Variants in GAP43 observed in about 807,000 individuals in gnomAD.
The protein encoded by GAP43 is neuromodulin.
In GAP43, 6 loss-of-function variants were observed where a neutral mutation model predicts 18.6. The ratio of observed to expected loss-of-function variants is 0.32; its 90% confidence interval spans 0.18 to 0.64. GAP43 has a LOEUF of 0.64. GAP43 is among the 30% of genes least tolerant of loss of function. The pLI, the probability that GAP43 is intolerant of heterozygous loss-of-function variation, is 0.78. For synonymous variants in GAP43, 115 were observed against 111.4 expected (o/e 1.03, Z -0.20); for missense variants, 292 against 295.5 (o/e 0.99, Z 0.09).
chr3:115,680,772 AATG>A (rs766969419), intron 2 of GAP43, among the ~76,000 whole-genome samples: 10 of 152,322 alleles, frequency 6.6e-5, no homozygotes, highest in East Asian at 3.9e-4. Context: ...GAATTTCTAG[AATG>A]ATAATTGTGT....
At chr3:115,675,759 A>AC in intron 1 of GAP43, among the ~76,000 whole-genome samples, 1 of 3,590 alleles carries the variant, frequency 2.8e-4, no homozygotes, top group Non-Finnish European at 7.6e-4. Flanking sequence ...ACTCTATCTC[A>AC]AAAAAAAAAA....
At chr3:115,675,758 CAAAAAAAAAA>C (rs67744380) in intron 1 of GAP43, among the ~76,000 whole-genome samples, 9 of 50,526 alleles carry the variant, frequency 1.8e-4, no homozygotes, top group South Asian at 1.3e-3. Context: ...GACTCTATCT[CAAAAAAAAAA>C]AAAAAAAAAA....
At chr3:115,640,573 C>T (rs1444759384) in intron 1 of GAP43, among the ~76,000 whole-genome samples, 3 of 152,080 alleles carry the variant, frequency 2.0e-5, no homozygotes, top group Non-Finnish European at 4.4e-5. Flanking sequence ...CTGGACTCCT[C>T]AATTGATGTA....
intron 2 of GAP43, among the ~76,000 whole-genome samples, chr3:115,711,131 G>T (rs1273396319): frequency 6.6e-6 from 1 of 151,928 alleles, no homozygotes; most frequent in Non-Finnish European, 1.5e-5. Context: ...CAAAAAATTG[G>T]GTGTTAAAGT....
intron 2 of GAP43, among the ~76,000 whole-genome samples, chr3:115,710,317 T>C (rs910118598): frequency 6.6e-6 from 1 of 152,094 alleles, no homozygotes; most frequent in Non-Finnish European, 1.5e-5. Flanking sequence ...ACTGTGAAAA[T>C]TGAGAAGTTT....
intron 2 of GAP43, among the ~76,000 whole-genome samples, chr3:115,699,422 C>G (rs1047426216): frequency 6.6e-6 from 1 of 152,178 alleles, no homozygotes; most frequent in East Asian, 1.9e-4. Context: ...TACTACTCAG[C>G]CCATCAGCCA....
intron 1 of GAP43, among the ~76,000 whole-genome samples, chr3:115,657,235 C>T (rs559852024): frequency 3.9e-5 from 6 of 152,182 alleles, no homozygotes; most frequent in South Asian, 2.1e-4. Context: ...TGTGAGCAAG[C>T]GATGAGCTAA....
At chr3:115,692,286 A>G (rs1709125437) in intron 2 of GAP43, among the ~76,000 whole-genome samples, 1 of 152,228 alleles carries the variant, frequency 6.6e-6, no homozygotes, top group South Asian at 2.1e-4. Context: ...ATCAGAATAG[A>G]GGAGATAAAC....
At position 115,650,187 on chromosome 3, in the gene GAP43, T is replaced by C. The variant is rs188624071; in HGVS notation, c.31-25826T>C. Reference sequence around the variant, plus strand: ...TTAGGAACCTAGCAGGAAGCTACATTGTCTCTCATCCTGTGGTTATTTTTC... The same window carrying C: ...TTAGGAACCTAGCAGGAAGCTACATCGTCTCTCATCCTGTGGTTATTTTTC... On this transcript the variant is annotated intron_variant, in intron 1 of 2. Transcript: ENST00000305124. Among the ~76,000 whole-genome samples, 831 of 152,232 alleles carry C rather than the reference T, an allele frequency of 5.5e-3. 3 individuals are homozygous for C. The highest frequency in any genetic ancestry group is 0.01 in the Admixed American group (156 of 15,282).
intron 1 of GAP43, among the ~76,000 whole-genome samples, chr3:115,674,067 G>T (rs1708848491): frequency 6.6e-6 from 1 of 152,200 alleles, no homozygotes; most frequent in Non-Finnish European, 1.5e-5. Context: ...CTGGGTCACT[G>T]GGGCAGAGCT....
chr3:115,642,384 T>C (rs1708408382), intron 1 of GAP43, among the ~76,000 whole-genome samples: 1 of 151,768 alleles, frequency 6.6e-6, no homozygotes, highest in Non-Finnish European at 1.5e-5. Context: ...CCAAGAACTA[T>C]GCTGGGTACT....
rs900066870 is a variant in GAP43, at chr3:115,698,099, A to T, written c.628+21489A>T. ...AATATATAAAATATGTATTATATAT[A>T]ATATATAAAATATATAATATATATT... On this transcript the variant is annotated intron_variant, in intron 2 of 2. Coordinates refer to ENST00000305124, the MANE Select transcript of GAP43 (RefSeq NM_002045.4). 2.8e-3 allele frequency among the ~76,000 whole-genome samples: 115 copies of T among 40,416 alleles called. 1 individual carries two copies. Among genetic ancestry groups the T allele is most frequent in the African/African-American group, 8.0e-3 (102 of 12,778 alleles). The allele number at this position is 40,416 out of a possible 152,430, so 26.5% of individuals were successfully genotyped here.
At chr3:115,686,658 T>C (rs3772926) in intron 2 of GAP43, among the ~76,000 whole-genome samples, 24,012 of 152,158 alleles carry the variant, frequency 0.16, 2,182 homozygotes, top group East Asian at 0.35. Flanking sequence ...TACTAAATTT[T>C]AGAATTTTCT....
At chr3:115,718,400 ATCTTTCTTCTGG>A in intron 2 of GAP43, among the ~76,000 whole-genome samples, 1 of 152,294 alleles carries the variant, frequency 6.6e-6, no homozygotes, top group Admixed American at 6.5e-5. Flanking sequence ...TAAATCTGGA[ATCTTTCTTCTGG>A]TAGAAAATTA....
intron 1 of GAP43, among the ~76,000 whole-genome samples, chr3:115,630,526 A>C (rs1217754419): frequency 6.6e-6 from 1 of 152,218 alleles, no homozygotes; most frequent in East Asian, 1.9e-4. Flanking sequence ...GTTTTCCATG[A>C]AAACACTCTT....
At chr3:115,692,750 T>C (rs533468047) in intron 2 of GAP43, among the ~76,000 whole-genome samples, 2 of 152,276 alleles carry the variant, frequency 1.3e-5, no homozygotes, top group African/African-American at 4.8e-5. Context: ...TACTTCACCA[T>C]ATTATTTTTG....
chr3:115,664,031 C>A, intron 1 of GAP43: 1 of 962,746 alleles, frequency 1.0e-6, no homozygotes, highest in South Asian at 1.7e-5. Flanking sequence ...TAATGTCCTT[C>A]TACTTAGTCT....
chr3:115,667,023 C>T (rs532508307), intron 1 of GAP43, among the ~76,000 whole-genome samples: 11 of 152,166 alleles, frequency 7.2e-5, no homozygotes, highest in South Asian at 4.2e-4. Flanking sequence ...TGACCTGGAG[C>T]GAGAACACCC....
chr3:115,695,125 A>C (rs1709167599), intron 2 of GAP43, among the ~76,000 whole-genome samples: 1 of 152,256 alleles, frequency 6.6e-6, no homozygotes, highest in Non-Finnish European at 1.5e-5. Flanking sequence ...CAATGTGATC[A>C]GAAAAGAAAA....
Sources: gnomAD v4.1 joint callset for allele counts (sites outside exome capture counted in the v4.1 genomes callset) on GRCh38, gnomAD v4.1.1 for gene constraint, MANE v1.5 for transcripts, NCBI Gene and HGNC (gene_info 2026-07-23, HGNC 2026-07-21) for gene names.